Variants in RHOT2 observed in about 807,000 individuals in gnomAD.
RHOT2 encodes the protein mitochondrial Rho GTPase 2.
A neutral mutation model predicts 81.6 loss-of-function variants in RHOT2; 90 were observed. That is an observed-to-expected ratio of 1.10 (90% CI 0.93 to 1.31). The LOEUF (loss-of-function observed/expected upper bound fraction) is 1.31. RHOT2 is among the 40% of genes most tolerant of loss of function. The probability of loss-of-function intolerance (pLI) is 0.00; values close to 1 mark genes in which losing one functional copy is unlikely to be tolerated. For missense variants in RHOT2, 1,014 were observed against 841.9 expected, an observed-to-expected ratio of 1.20 and a Z score of -2.53; for synonymous variants, 512 against 370.9, an observed-to-expected ratio of 1.38 and a Z score of -4.37.
rs368500079 is a variant in RHOT2 at position 673,856 on chromosome 16, C to T, written c.*250C>T. On this transcript the variant is annotated 3_prime_UTR_variant, in exon 19 of 19. Coordinates refer to ENST00000315082, the MANE Select transcript of RHOT2 (RefSeq NM_138769.3). ...GCAGGAGCTCCCAAGTGCCGGCCAC[C>T]GCTGTCAGGGATTGCCCACCCCTGG... 6.1e-4 allele frequency: 372 copies of T among 611,088 alleles called. No homozygotes were observed. Among genetic ancestry groups the T allele is most frequent in the African/African-American group, 5.7e-3 (312 of 54,482 alleles). 37.9% of individuals were successfully genotyped at this position (611,088 alleles called of 1,614,324 possible). A position where few individuals can be genotyped will look rare whatever the true frequency, so the allele number is the denominator to read the frequency against.
At chr16:669,321 C>T (rs2038501945) in intron 4 of RHOT2, 8 of 576,012 alleles carry the variant, frequency 1.4e-5, no homozygotes, top group South Asian at 8.0e-5. Flanking sequence ...GAAGAGGCTT[C>T]TCTGAGGGTT....
Position 673,118 on chromosome 16 carries a change from T to C in RHOT2, c.1718T>C (p.Met573Thr). Residue 573 changes from methionine (M) to threonine (T), a missense_variant, in exon 18 of 19, where the codon ATG (methionine) becomes ACG (threonine). Coordinates refer to ENST00000315082, the MANE Select transcript of RHOT2 (RefSeq NM_138769.3). ...STTIFTQLAT[M>T]AAFPHLVHAE... ...ACCATCTTCACCCAGCTCGCCACCA[T>C]GGCCGCCTTCCCGTGGGTACCCAGT... 3 of 1,611,002 alleles carry C rather than the reference T, an allele frequency of 1.9e-6. No homozygotes were observed. Among genetic ancestry groups the C allele is most frequent in the Non-Finnish European group, 2.5e-6 (3 of 1,179,818 alleles).
chr16:672,126 A>C lies in RHOT2; in HGVS notation c.1140A>C (p.Leu380=). 6.2e-7 allele frequency: 1 copy of C among 1,612,276 alleles called. No homozygotes were observed. Among genetic ancestry groups the C allele is most frequent in the Non-Finnish European group, 8.5e-7 (1 of 1,179,878 alleles). ...ACGTCCGGAGCTGCCTTGGACACCT[A>C]GGCTACCTGGGCTACCCCACCCTCT... is the stretch of plus-strand genomic sequence containing the variant. The part of the protein sequence containing the change: ...YLDVRSCLGH[L]GYLGYPTLCE... Residue 380 remains leucine (L), a synonymous_variant, in exon 14 of 19, where the codon CTA becomes CTC. Transcript: ENST00000315082.
At chr16:668,786 T>C in intron 4 of RHOT2, 87 bp downstream of exon 4, 1 of 1,382,076 alleles carries the variant, frequency 7.2e-7, no homozygotes, top group East Asian at 2.6e-5. Context: ...ACCGAGGTGC[T>C]CCGGGTGTCC....
In RHOT2 at chr16:673,805, C is replaced by T; in HGVS notation, c.*199C>T. The T allele has an allele frequency of 1.4e-6, 1 of 717,220 alleles. No homozygotes were observed. Among genetic ancestry groups the T allele is most frequent in the Non-Finnish European group, 2.3e-6 (1 of 443,348 alleles). 44.4% of individuals were successfully genotyped at this position (717,220 alleles called of 1,614,324 possible). A position where few individuals can be genotyped will look rare whatever the true frequency, so the allele number is the denominator to read the frequency against. On this transcript the variant is annotated 3_prime_UTR_variant, in exon 19 of 19. Transcript: ENST00000315082. ...ACTGCCCTGGCTCCTGCCGGACCCCCAGGGTGGGCCGTGGCAGGTGGCTGA... is the reference window on the plus strand; with the variant it reads ...ACTGCCCTGGCTCCTGCCGGACCCCTAGGGTGGGCCGTGGCAGGTGGCTGA...
At chr16:668,091 C>G, upstream of RHOT2, 1 of 416,000 alleles carries the variant, frequency 2.4e-6, no homozygotes. Flanking sequence ...GTGGGGACAG[C>G]GCGGGGCCGA....
Position 670,745 on chromosome 16 carries a change from T to A in RHOT2, c.611T>A (p.Leu204His). 1 of 1,612,338 alleles carries A rather than the reference T, an allele frequency of 6.2e-7. No homozygotes were observed. Among genetic ancestry groups the A allele is most frequent in the Non-Finnish European group, 8.5e-7 (1 of 1,179,936 alleles). ...TCAGATCAGGACCTGGACCAGGCGC[T>A]CAGTGACGAAGAGCTCAACGCTTTC... ...RLSDQDLDQALSDEELNAFQK... is the reference protein window; with the variant it reads ...RLSDQDLDQAHSDEELNAFQK... The change falls in exon 9 of 19, where the codon CTC becomes CAC. Residue 204 changes from leucine to histidine, a missense_variant. Coordinates refer to ENST00000315082, the MANE Select transcript of RHOT2 (RefSeq NM_138769.3).
In RHOT2 at chr16:673,632, C is replaced by T. The variant is rs772466444; in HGVS notation, c.*26C>T. 10 of 1,595,994 alleles carry T rather than the reference C, an allele frequency of 6.3e-6. No homozygotes were observed. Among genetic ancestry groups the T allele is most frequent in the South Asian group, 3.3e-5 (3 of 89,976 alleles). On this transcript the variant is annotated 3_prime_UTR_variant, in exon 19 of 19. Transcript: ENST00000315082. ...GGCCCCTGGTACCCAAGCCCCCTCC[C>T]CTGACCTGGGTGTGCCTCGCTGCTG...
Position 671,219 on chromosome 16 carries a change from G to A in RHOT2, c.869+16G>A. The stretch of plus-strand genomic sequence containing the variant: ...TCTCCCCTCTGTGAGTGATGCCGGG[G>A]CTTGAGGCCTGCCCTCCCCGAGGGT... On this transcript the variant is annotated intron_variant, in intron 11 of 18. Coordinates refer to ENST00000315082, the MANE Select transcript of RHOT2 (RefSeq NM_138769.3). 2 of 1,532,752 alleles carry A rather than the reference G, an allele frequency of 1.3e-6. No homozygotes were observed. The highest frequency in any genetic ancestry group is 2.5e-5 in the South Asian group (2 of 80,940). 94.9% of individuals were successfully genotyped at this position (1,532,752 alleles called of 1,614,324 possible).
chr16:669,491 G>A, intron 4 of RHOT2, 62 bp from the exon 5 acceptor site: 3 of 1,564,586 alleles, frequency 1.9e-6, no homozygotes, highest in Non-Finnish European at 1.7e-6. Flanking sequence ...GCGTGGAACG[G>A]CCAGGGTCGT....
At chr16:669,213 G>A in intron 4 of RHOT2, 1 of 455,430 alleles carries the variant, frequency 2.2e-6, no homozygotes. Flanking sequence ...TTGGGTTGCA[G>A]GTGTGGCCGT....
At chr16:669,360 G>C in intron 4 of RHOT2, 193 bp from the exon 5 acceptor site, 1 of 617,708 alleles carries the variant, frequency 1.6e-6, no homozygotes, top group Non-Finnish European at 2.9e-6. Context: ...TGACACTGGG[G>C]AGTGCCTGCT....
In RHOT2 at chr16:670,998, A is replaced by C; in HGVS notation, c.746A>C (p.Asp249Ala). ...GGVREDRLTLDGFLFLNTLFI... is the reference protein window; with the variant it reads ...GGVREDRLTLAGFLFLNTLFI... ...GTGCGGGAGGACCGGCTGACCCTGG[A>C]TGGTGAGGCCGGGTGCCCGCCTGTG... The change falls in exon 10 of 19, where the codon GAT (aspartate) becomes GCT (alanine). Residue 249 changes from aspartate (D) to alanine (A), a missense_variant and splice_region_variant. Transcript: ENST00000315082. 14 of 1,590,086 alleles carry C rather than the reference A, an allele frequency of 8.8e-6. No homozygotes were observed. Among genetic ancestry groups the C allele is most frequent in the Non-Finnish European group, 1.2e-5 (14 of 1,169,396 alleles).
intron 11 of RHOT2, among the ~76,000 whole-genome samples, chr16:671,470 C>G (rs1019760980): frequency 2.0e-5 from 3 of 152,176 alleles, no homozygotes; most frequent in East Asian, 1.9e-4. Flanking sequence ...CTGCTGGGGT[C>G]GGCAGCTTGG....
At chr16:669,872 G>A in intron 5 of RHOT2, 1 of 612,666 alleles carries the variant, frequency 1.6e-6, no homozygotes, top group Non-Finnish European at 2.9e-6. Context: ...ACCCGCAGAG[G>A]GCCTGCGTTG....
Position 670,776 on chromosome 16 carries a change from G to A in RHOT2, c.639+3G>A, listed in dbSNP as rs756979501. ...ACGAAGAGCTCAACGCTTTCCAGGT[G>A]TGCCCCTGCCCCACCCTCGGTGCCC... On this transcript the variant is annotated splice_donor_region_variant and intron_variant, in intron 9 of 18. Transcript: ENST00000315082. The A allele has an allele frequency of 6.2e-7, 1 of 1,611,748 alleles. No individual in the cohort carries two copies. The highest frequency in any genetic ancestry group is 1.1e-5 in the South Asian group (1 of 91,078).
At position 672,462 on chromosome 16, in the gene RHOT2, CGAGTGTCAG is replaced by C. The variant is rs776225248; in HGVS notation, c.1327-24_1327-16del. 9 of 1,611,648 alleles carry C rather than the reference CGAGTGTCAG, an allele frequency of 5.6e-6. No individual in the cohort carries two copies. In the Admixed American group the frequency reaches 1.2e-4, roughly 21 times the overall value. On this transcript the variant is annotated intron_variant, in intron 15 of 18. Transcript: ENST00000315082. ...GCAATCTGGGGGGCACTGCAGCCAG[CGAGTGTCAG>C]GACTTCACCTCCCTCAGCACCAGGA... is the stretch of plus-strand genomic sequence containing the variant.
At chr16:668,464 G>T (rs375842488) in intron 2 of RHOT2, 24 bp from the exon 3 acceptor site, 213 of 1,590,544 alleles carry the variant, frequency 1.3e-4, no homozygotes, top group Non-Finnish European at 1.7e-4. Flanking sequence ...GGGGGTCCCT[G>T]GTGAGCGCGC....
rs751455027 is a variant in RHOT2 at position 670,972 on chromosome 16, C to T, written c.720C>T (p.Gly240=). ...KTVVCRNVAG[G]VREDRLTLDG... is the part of the protein sequence containing the mutation. ...TGGTGTGCAGGAACGTGGCGGGCGG[C>T]GTGCGGGAGGACCGGCTGACCCTGG... The change falls in exon 10 of 19, where the codon GGC becomes GGT. Residue 240 remains glycine, a synonymous_variant. Coordinates refer to ENST00000315082, the MANE Select transcript of RHOT2 (RefSeq NM_138769.3). 1.2e-5 allele frequency: 19 copies of T among 1,568,512 alleles called. No homozygotes were observed. The highest frequency in any genetic ancestry group is 3.5e-5 in the South Asian group (3 of 85,576).
Sources: gnomAD v4.1 joint callset for allele counts (sites outside exome capture counted in the v4.1 genomes callset) on GRCh38, gnomAD v4.1.1 for gene constraint, MANE v1.5 for transcripts, NCBI Gene and HGNC (gene_info 2026-07-23, HGNC 2026-07-21) for gene names.